DTNB: variants seen among roughly 807,000 people sequenced by gnomAD.
DTNB encodes DTN-B.
Under a neutral mutation model 90.7 loss-of-function variants are expected in DTNB, and 63 were observed. That is an observed-to-expected ratio of 0.69 (90% CI 0.57 to 0.86). The LOEUF is 0.86. Among genes scored for constraint, DTNB ranks in the 40% least tolerant of loss-of-function variants. The pLI, the probability that DTNB is intolerant of heterozygous loss-of-function variation, is 0.00. For synonymous variants in DTNB, 277 were observed against 286.7 expected (o/e 0.97, Z 0.34); for missense variants, 744 against 807.1 (o/e 0.92, Z 0.95).
intron 16 of DTNB, chr2:25,419,014 G>T (rs2048636726): frequency 6.3e-6 from 1 of 157,534 alleles, no homozygotes; most frequent in Non-Finnish European, 1.4e-5. Flanking sequence ...ATTGCAAGTG[G>T]AGTCAGTGTC....
chr2:25,656,884 T>G (rs973721536), intron 1 of DTNB, among the ~76,000 whole-genome samples: 6 of 152,166 alleles, frequency 3.9e-5, no homozygotes, highest in Non-Finnish European at 1.5e-5. Context: ...CTAAAAGGGT[T>G]GAAACTTGGC....
At chr2:25,397,057 CA>C (rs535312387) in intron 16 of DTNB, among the ~76,000 whole-genome samples, 1 of 151,084 alleles carries the variant, frequency 6.6e-6, no homozygotes, top group African/African-American at 2.4e-5. Context: ...CTCCCCCACC[CA>C]AAAAAAAGTA....
At chr2:25,545,681 G>A (rs552745610) in intron 8 of DTNB, among the ~76,000 whole-genome samples, 7 of 152,308 alleles carry the variant, frequency 4.6e-5, no homozygotes, top group African/African-American at 1.7e-4. Context: ...GAGTGCAGTG[G>A]TACGATCTTG....
chr2:25,496,174 T>C (rs1257081263), intron 9 of DTNB, among the ~76,000 whole-genome samples: 1 of 152,222 alleles, frequency 6.6e-6, no homozygotes, highest in Non-Finnish European at 1.5e-5. Flanking sequence ...ATTGCTCAAT[T>C]TATCATCATT....
chr2:25,531,773 C>A (rs532251108), intron 8 of DTNB, among the ~76,000 whole-genome samples, 176 bp from the exon 9 acceptor site: 1 of 152,302 alleles, frequency 6.6e-6, no homozygotes, highest in South Asian at 2.1e-4. Flanking sequence ...GTTCCAAGGT[C>A]ATCTGTGGTC....
At chr2:25,390,895 C>CTT (rs34194776) in intron 16 of DTNB, among the ~76,000 whole-genome samples, 31 of 135,872 alleles carry the variant, frequency 2.3e-4, no homozygotes, top group African/African-American at 4.6e-4. Flanking sequence ...TAGGTAATGA[C>CTT]TTTTTTTTTT....
At chr2:25,517,233 A>G (rs1026356820) in intron 9 of DTNB, among the ~76,000 whole-genome samples, 1 of 152,210 alleles carries the variant, frequency 6.6e-6, no homozygotes, top group Non-Finnish European at 1.5e-5. Context: ...TTTATGTGTA[A>G]TTTCTAGAAA....
chr2:25,467,203 G>T (rs2061942255), intron 10 of DTNB, among the ~76,000 whole-genome samples: 1 of 152,102 alleles, frequency 6.6e-6, no homozygotes, highest in Non-Finnish European at 1.5e-5. Flanking sequence ...ATTTCAAAGG[G>T]GCCAACATTT....
rs147168867 is a variant in DTNB, at chr2:25,514,963, G to C, written c.1001+16510C>G. On this transcript the variant is annotated intron_variant, in intron 9 of 20. Coordinates refer to ENST00000406818, the MANE Select transcript of DTNB (RefSeq NM_021907.5). Reference sequence around the variant, plus strand: ...CTCCCAAAGTGCTGGGATTACAGGCGTGAGTCACCGCGCCCAGCTGAAAAA... The same window carrying C: ...CTCCCAAAGTGCTGGGATTACAGGCCTGAGTCACCGCGCCCAGCTGAAAAA... 2.1e-3 allele frequency among the ~76,000 whole-genome samples: 316 copies of C among 152,112 alleles called. 2 individuals carry two copies. Among genetic ancestry groups the C allele is most frequent in the African/African-American group, 7.3e-3 (302 of 41,484 alleles).
At chr2:25,455,265 T>C in intron 11 of DTNB, 140 bp downstream of exon 11, 1 of 763,110 alleles carries the variant, frequency 1.3e-6, no homozygotes. Flanking sequence ...GCAACTATTT[T>C]AACTCTGCCA....
At chr2:25,411,233 C>T (rs1477738684) in intron 16 of DTNB, among the ~76,000 whole-genome samples, 1 of 151,942 alleles carries the variant, frequency 6.6e-6, no homozygotes, top group Non-Finnish European at 1.5e-5. Context: ...GTGGCGTGCG[C>T]CTGTAATCCC....
In DTNB at chr2:25,536,297, G is replaced by A. The variant is rs751971036; in HGVS notation, c.877-4700C>T. ...CAGAGATGCTGCTCACTTCCTACACGGGGTGGCGGGCGGGCAGAGGCTGTA... is the reference window on the plus strand; with the variant it reads ...CAGAGATGCTGCTCACTTCCTACACAGGGTGGCGGGCGGGCAGAGGCTGTA... On this transcript the variant is annotated intron_variant, in intron 8 of 20. Transcript: ENST00000406818. Among the ~76,000 whole-genome samples the A allele has an allele frequency of 4.1e-4, 62 of 152,310 alleles. 1 individual carries two copies. Among genetic ancestry groups the A allele is most frequent in the Non-Finnish European group, 6.0e-4 (41 of 68,018 alleles).
intron 12 of DTNB, among the ~76,000 whole-genome samples, chr2:25,443,672 T>C (rs2057928184): frequency 6.6e-6 from 1 of 152,144 alleles, no homozygotes; most frequent in South Asian, 2.1e-4. Context: ...CTCTCAAAAA[T>C]CCAATCTGCT....
At chr2:25,516,851 A>G (rs2075223120) in intron 9 of DTNB, among the ~76,000 whole-genome samples, 2 of 152,280 alleles carry the variant, frequency 1.3e-5, no homozygotes, top group East Asian at 3.9e-4. Context: ...AGACCGTGCC[A>G]TTGCACTCCA....
At chr2:25,577,112 T>C (rs2060803607) in intron 7 of DTNB, 108 bp from the exon 8 acceptor site, 1 of 1,200,384 alleles carries the variant, frequency 8.3e-7, no homozygotes, top group Non-Finnish European at 1.1e-6. Context: ...TACAGAGGAA[T>C]ACCAAAACTA....
chr2:25,665,621 G>A (rs1371541830), intron 1 of DTNB, among the ~76,000 whole-genome samples: 2 of 149,858 alleles, frequency 1.3e-5, no homozygotes, highest in African/African-American at 4.9e-5. Flanking sequence ...GCAAGACTCC[G>A]TCTCAAAAAA....
In DTNB at chr2:25,383,824, A is replaced by G; in HGVS notation, c.1879+12T>C. On this transcript the variant is annotated intron_variant, in intron 19 of 20. Coordinates refer to ENST00000406818, the MANE Select transcript of DTNB (RefSeq NM_021907.5). ...CCCATTTAAACGAGCAGTCCTGCTG[A>G]GCTGCCTTTACCTCTGTCTTTCCCA... 2 of 1,614,056 alleles carry G rather than the reference A, an allele frequency of 1.2e-6. No individual in the cohort carries two copies. The highest frequency in any genetic ancestry group is 1.7e-6 in the Non-Finnish European group (2 of 1,179,904).
intron 4 of DTNB, among the ~76,000 whole-genome samples, chr2:25,613,214 G>A (rs1045057623): frequency 2.6e-5 from 4 of 152,064 alleles, no homozygotes; most frequent in Non-Finnish European, 5.9e-5. Context: ...CTCCCAAAGT[G>A]CTTGGATTAC....
At chr2:25,633,083 T>C (rs150934534) in intron 3 of DTNB, among the ~76,000 whole-genome samples, 145 of 152,300 alleles carry the variant, frequency 9.5e-4, no homozygotes, top group African/African-American at 3.0e-3. Flanking sequence ...TCGAGAACAA[T>C]TGCTAGAAAT....
Sources: gnomAD v4.1 joint callset for allele counts (sites outside exome capture counted in the v4.1 genomes callset) on GRCh38, gnomAD v4.1.1 for gene constraint, MANE v1.5 for transcripts, NCBI Gene and HGNC (gene_info 2026-07-23, HGNC 2026-07-21) for gene names.